Variants in MDGA2 observed in about 807,000 individuals in gnomAD.
MDGA2 encodes the protein MAM domain containing glycosylphosphatidylinositol anchor 2, also known as MAM domain-containing glycosylphosphatidylinositol anchor protein 2.
In MDGA2, 40 loss-of-function variants were observed where a neutral mutation model predicts 117.8. The ratio of observed to expected loss-of-function variants is 0.34; its 90% confidence interval spans 0.26 to 0.44. MDGA2 has a LOEUF of 0.44. Among genes scored for constraint, MDGA2 ranks in the 20% least tolerant of loss-of-function variants. The probability of loss-of-function intolerance (pLI) is 1.00; values close to 1 mark genes in which losing one functional copy is unlikely to be tolerated. For synonymous variants in MDGA2, 452 were observed against 439.0 expected (o/e 1.03, Z -0.37); for missense variants, 1,123 against 1,250.6 (o/e 0.90, Z 1.54).
At position 47,079,978 on chromosome 14, in the gene MDGA2, G is replaced by A. The variant is rs561676187; in HGVS notation, c.1195+16876C>T. ...GATCTCCTGACCTCGTGATCCGCCC[G>A]CCTCGGCCTCCCAAAGTGCTGGGAT... On this transcript the variant is annotated intron_variant, in intron 6 of 16. Transcript: ENST00000399232. Among the ~76,000 whole-genome samples, 24 of 152,084 alleles carry A rather than the reference G, an allele frequency of 1.6e-4. No homozygotes were observed. In the South Asian group the frequency reaches 3.7e-3, roughly 24 times the overall value.
At chr14:47,197,706 C>T (rs930135497) in intron 3 of MDGA2, among the ~76,000 whole-genome samples, 3 of 152,038 alleles carry the variant, frequency 2.0e-5, no homozygotes, top group African/African-American at 7.2e-5. Context: ...GTCAGGGGTT[C>T]GAAACCAGCC....
chr14:47,267,301 T>G (rs181205006), intron 2 of MDGA2, among the ~76,000 whole-genome samples: 1 of 152,256 alleles, frequency 6.6e-6, no homozygotes, highest in Admixed American at 6.5e-5. Flanking sequence ...TCTTTAAAAT[T>G]AAGATCACAA....
At position 46,847,995 on chromosome 14, in the gene MDGA2, A is replaced by T. The variant is rs191675393; in HGVS notation, c.2884-2124T>A. On this transcript the variant is annotated intron_variant, in intron 15 of 16. Transcript: ENST00000399232. ...CAATGTTAGAGTAAATCAATAGTTAATATTAAATACTGCTTGTAGAGTGCA... is the reference window on the plus strand; with the variant it reads ...CAATGTTAGAGTAAATCAATAGTTATTATTAAATACTGCTTGTAGAGTGCA... Among the ~76,000 whole-genome samples the T allele has an allele frequency of 1.6e-3, 243 of 152,160 alleles. 2 individuals carry two copies. Among genetic ancestry groups the T allele is most frequent in the African/African-American group, 5.7e-3 (236 of 41,562 alleles).
chr14:47,573,086 T>C (rs1484222421), intron 1 of MDGA2, among the ~76,000 whole-genome samples: 1 of 152,130 alleles, frequency 6.6e-6, no homozygotes, highest in Non-Finnish European at 1.5e-5. Flanking sequence ...CCAACCCCTC[T>C]GCAACTGATT....
chr14:47,655,696 TAAG>T (rs1477683449), intron 1 of MDGA2, among the ~76,000 whole-genome samples: 2 of 152,036 alleles, frequency 1.3e-5, no homozygotes, highest in Admixed American at 6.6e-5. Flanking sequence ...TCCCCATCAA[TAAG>T]AAGGTAGCAC....
intron 1 of MDGA2, among the ~76,000 whole-genome samples, chr14:47,466,487 G>C (rs1893606816): frequency 6.6e-6 from 1 of 152,056 alleles, no homozygotes; most frequent in African/African-American, 2.4e-5. Flanking sequence ...CACATCACCA[G>C]GTTTATCCTC....
intron 2 of MDGA2, among the ~76,000 whole-genome samples, chr14:47,253,228 G>C (rs1177324651): frequency 2.6e-5 from 4 of 152,090 alleles, no homozygotes; most frequent in Non-Finnish European, 4.4e-5. Flanking sequence ...ACACAATCAT[G>C]ACTTCCCAAC....
At chr14:47,055,410 T>C (rs1889639310) in intron 7 of MDGA2, among the ~76,000 whole-genome samples, 1 of 152,088 alleles carries the variant, frequency 6.6e-6, no homozygotes, top group African/African-American at 2.4e-5. Context: ...TGCCTTATTC[T>C]TAATCCAGCT....
intron 8 of MDGA2, among the ~76,000 whole-genome samples, chr14:47,009,160 G>A (rs886780077): frequency 5.3e-5 from 8 of 151,854 alleles, no homozygotes; most frequent in African/African-American, 1.9e-4. Context: ...CTATAGTTTA[G>A]TTCACATTTT....
chr14:47,478,321 T>C (rs966930409), intron 1 of MDGA2, among the ~76,000 whole-genome samples: 6 of 152,198 alleles, frequency 3.9e-5, no homozygotes, highest in Non-Finnish European at 8.8e-5. Context: ...AAAAGGTTAT[T>C]CAATATCAAA....
At chr14:47,591,517 C>T (rs1196821042) in intron 1 of MDGA2, among the ~76,000 whole-genome samples, 3 of 152,092 alleles carry the variant, frequency 2.0e-5, no homozygotes, top group Non-Finnish European at 4.4e-5. Flanking sequence ...AAGCCAATAT[C>T]CCTGATAAAC....
intron 1 of MDGA2, among the ~76,000 whole-genome samples, chr14:47,360,799 C>T (rs1462203487): frequency 6.6e-6 from 1 of 152,086 alleles, no homozygotes; most frequent in Non-Finnish European, 1.5e-5. Flanking sequence ...TTACTCACAA[C>T]AGCACAGAAA....
chr14:47,173,550 A>C (rs1594693878), intron 3 of MDGA2, among the ~76,000 whole-genome samples: 2 of 152,322 alleles, frequency 1.3e-5, no homozygotes, highest in South Asian at 4.1e-4. Context: ...AGCCACACTA[A>C]GCTTCATAAG....
At chr14:47,301,290 C>G in intron 2 of MDGA2, 121 bp downstream of exon 2, 1 of 956,066 alleles carries the variant, frequency 1.0e-6, no homozygotes, top group Non-Finnish European at 1.4e-6. Context: ...CACACCCACA[C>G]CCACCCACAC....
At chr14:46,966,323 T>C (rs79584625) in intron 8 of MDGA2, among the ~76,000 whole-genome samples, 17,948 of 152,166 alleles carry the variant, frequency 0.12, 2,017 homozygotes, top group African/African-American at 0.27. Context: ...TCACATTATT[T>C]CCAATTGCAG....
chr14:47,557,519 C>T (rs1895707150), intron 1 of MDGA2, among the ~76,000 whole-genome samples: 1 of 152,012 alleles, frequency 6.6e-6, no homozygotes, highest in Non-Finnish European at 1.5e-5. Flanking sequence ...CTTTAAGAAC[C>T]AGAGAAAGTG....
At chr14:47,235,341 A>G (rs1034973126) in intron 2 of MDGA2, among the ~76,000 whole-genome samples, 4 of 152,196 alleles carry the variant, frequency 2.6e-5, no homozygotes, top group African/African-American at 9.7e-5. Flanking sequence ...ATGATACAAA[A>G]AAGTTTCAGT....
intron 10 of MDGA2, among the ~76,000 whole-genome samples, chr14:46,883,311 G>A (rs1882537983): frequency 6.6e-6 from 1 of 151,842 alleles, no homozygotes; most frequent in African/African-American, 2.4e-5. Context: ...ATTAGAAAAT[G>A]TGTTAACATA....
chr14:47,251,500 T>C (rs1887445384), intron 2 of MDGA2, among the ~76,000 whole-genome samples: 1 of 152,212 alleles, frequency 6.6e-6, no homozygotes, highest in African/African-American at 2.4e-5. Flanking sequence ...CTTGACGTTG[T>C]CTACTATATA....
Sources: allele counts gnomAD v4.1 joint callset (sites outside exome capture counted in the v4.1 genomes callset), GRCh38; gene constraint gnomAD v4.1.1; transcripts MANE v1.5; gene names NCBI Gene and HGNC (gene_info 2026-07-23, HGNC 2026-07-21).